Variants in RAI14 observed in about 807,000 individuals in gnomAD.
RAI14 encodes the protein retinoic acid induced 14, also known as ankycorbin.
A neutral mutation model predicts 115.4 loss-of-function variants in RAI14; 45 were observed. That is an observed-to-expected ratio of 0.39 (90% CI 0.31 to 0.50). The LOEUF (loss-of-function observed/expected upper bound fraction) is 0.50. Ranked by LOEUF, RAI14 falls within the 20% of genes least tolerant of loss-of-function variation. The probability of loss-of-function intolerance (pLI) is 0.85; values close to 1 mark genes in which losing one functional copy is unlikely to be tolerated. For missense variants in RAI14, 939 were observed against 1,131.2 expected, an observed-to-expected ratio of 0.83 and a Z score of 2.44; for synonymous variants, 371 against 415.4, an observed-to-expected ratio of 0.89 and a Z score of 1.30.
At chr5:34,732,254 G>C (rs971759469) in intron 2 of RAI14, among the ~76,000 whole-genome samples, 3 of 152,116 alleles carry the variant, frequency 2.0e-5, no homozygotes, top group African/African-American at 7.2e-5. Context: ...CCTTGCCCAG[G>C]AGGGGTTTTA....
intron 3 of RAI14, among the ~76,000 whole-genome samples, chr5:34,792,058 G>T (rs1171567443): frequency 6.6e-6 from 1 of 152,158 alleles, no homozygotes; most frequent in African/African-American, 2.4e-5. Flanking sequence ...ATCTCCTCAA[G>T]AGCAGACTCA....
intron 2 of RAI14, among the ~76,000 whole-genome samples, chr5:34,713,021 T>C (rs564319088): frequency 6.6e-6 from 1 of 152,262 alleles, no homozygotes; most frequent in Admixed American, 6.5e-5. Context: ...ATGAGACACA[T>C]TGTCCTTGAA....
intron 2 of RAI14, among the ~76,000 whole-genome samples, chr5:34,752,908 C>G (rs1467248944): frequency 6.6e-6 from 1 of 151,698 alleles, no homozygotes; most frequent in East Asian, 1.9e-4. Context: ...GCTGGGATCA[C>G]AGGCACGAGC....
intron 2 of RAI14, among the ~76,000 whole-genome samples, chr5:34,701,905 G>A (rs899964144): frequency 1.3e-4 from 19 of 151,624 alleles, no homozygotes; most frequent in African/African-American, 3.6e-4. Flanking sequence ...TCCACCTGCC[G>A]AGTTCAACTG....
At chr5:34,786,223 G>T (rs1261542508) in intron 3 of RAI14, among the ~76,000 whole-genome samples, 1 of 152,214 alleles carries the variant, frequency 6.6e-6, no homozygotes, top group Non-Finnish European at 1.5e-5. Flanking sequence ...GTTGATCTGG[G>T]GGGGTGTATC....
intron 3 of RAI14, among the ~76,000 whole-genome samples, chr5:34,773,127 CTT>C (rs1219731308): frequency 6.6e-6 from 1 of 152,086 alleles, no homozygotes; most frequent in Non-Finnish European, 1.5e-5. Flanking sequence ...TTCAAACAAA[CTT>C]TGAAACAATG....
chr5:34,668,897 C>T (rs1254095821), intron 1 of RAI14, among the ~76,000 whole-genome samples: 5 of 151,946 alleles, frequency 3.3e-5, no homozygotes, highest in African/African-American at 1.2e-4. Flanking sequence ...TCGCTCTGTC[C>T]CCAGGCCAGA....
intron 2 of RAI14, among the ~76,000 whole-genome samples, chr5:34,731,752 A>T (rs1211714164): frequency 2.0e-5 from 3 of 152,280 alleles, no homozygotes; most frequent in Non-Finnish European, 2.9e-5. Context: ...TTCTTTGTAA[A>T]CATTGTCATC....
chr5:34,682,013 G>T (rs368004718), intron 1 of RAI14, among the ~76,000 whole-genome samples: 1 of 151,836 alleles, frequency 6.6e-6, no homozygotes, highest in African/African-American at 2.4e-5. Context: ...GCGCCACCAC[G>T]CCCGGCTAAT....
At chr5:34,772,539 G>A (rs1750299403) in intron 3 of RAI14, among the ~76,000 whole-genome samples, 1 of 152,152 alleles carries the variant, frequency 6.6e-6, no homozygotes, top group African/African-American at 2.4e-5. Context: ...TTCCTAGAGT[G>A]TAATGTTTCC....
chr5:34,830,680 T>A lies in RAI14; in HGVS notation c.2866-8T>A. On this transcript the variant is annotated splice_polypyrimidine_tract_variant and splice_region_variant and intron_variant, in intron 17 of 17. Transcript: ENST00000265109. ...TTCTAATGAGTATCTTGTGTTTGAA[T>A]ATCCTAGGGCCAGATGGATGAAGAT... 6.2e-7 allele frequency: 1 copy of A among 1,614,096 alleles called. No homozygotes were observed. The highest frequency in any genetic ancestry group is 8.5e-7 in the Non-Finnish European group (1 of 1,179,964).
At chr5:34,730,848 T>G (rs773362379) in intron 2 of RAI14, among the ~76,000 whole-genome samples, 36 of 151,894 alleles carry the variant, frequency 2.4e-4, no homozygotes, top group Non-Finnish European at 4.6e-4. Flanking sequence ...CTGGGCGTGG[T>G]GGTGGGCGCC....
At chr5:34,683,608 T>C (rs553917368) in intron 1 of RAI14, among the ~76,000 whole-genome samples, 20 of 152,312 alleles carry the variant, frequency 1.3e-4, no homozygotes, top group African/African-American at 4.6e-4. Flanking sequence ...CTGCACAGTT[T>C]TGGGTTATCC....
At chr5:34,696,708 C>T (rs1001140367) in intron 2 of RAI14, among the ~76,000 whole-genome samples, 1 of 152,368 alleles carries the variant, frequency 6.6e-6, no homozygotes, top group African/African-American at 2.4e-5. Context: ...GTGACTTTTA[C>T]AGTTTTGACT....
At chr5:34,782,573 TAG>T (rs1402986054) in intron 3 of RAI14, among the ~76,000 whole-genome samples, 1 of 152,224 alleles carries the variant, frequency 6.6e-6, no homozygotes, top group African/African-American at 2.4e-5. Context: ...GACAAATTTG[TAG>T]AGTGTCCTTC....
chr5:34,768,910 A>C (rs925069525), intron 3 of RAI14, among the ~76,000 whole-genome samples: 8 of 151,682 alleles, frequency 5.3e-5, no homozygotes, highest in African/African-American at 1.9e-4. Flanking sequence ...AATCGCTTGA[A>C]CCTGGGAGGT....
At chr5:34,728,401 T>G (rs770238731) in intron 2 of RAI14, 3 of 152,158 alleles carry the variant, frequency 2.0e-5, no homozygotes, top group Admixed American at 6.6e-5. Context: ...TGGTTTGGCT[T>G]TGTGCCCTAA....
At chr5:34,716,001 T>C (rs1386024599) in intron 2 of RAI14, 1 of 390,550 alleles carries the variant, frequency 2.6e-6, no homozygotes, top group East Asian at 8.9e-5. Context: ...GTATGCAATA[T>C]GTGGGTAGTT....
chr5:34,759,976 G>A (rs1253454432), intron 3 of RAI14, among the ~76,000 whole-genome samples: 1 of 152,162 alleles, frequency 6.6e-6, no homozygotes, highest in African/African-American at 2.4e-5. Flanking sequence ...AATCTTGGCA[G>A]CTTCTGCGTT....
Sources: allele counts gnomAD v4.1 joint callset (sites outside exome capture counted in the v4.1 genomes callset), GRCh38; gene constraint gnomAD v4.1.1; transcripts MANE v1.5; gene names NCBI Gene and HGNC (gene_info 2026-07-23, HGNC 2026-07-21).